Variants in CEP112 observed in about 807,000 individuals in gnomAD.
The protein encoded by CEP112 is centrosomal protein 112.
In CEP112, 127 loss-of-function variants were observed where a neutral mutation model predicts 153.0. The ratio of observed to expected loss-of-function variants is 0.83; its 90% CI spans 0.72 to 0.96. The LOEUF (loss-of-function observed/expected upper bound fraction) is 0.96. CEP112 is among the 40% of genes least tolerant of loss of function. CEP112 has a pLI of 0.00. For missense variants in CEP112, 1,089 were observed against 1,101.2 expected (o/e 0.99, Z 0.16); for synonymous variants, 358 against 374.4 (o/e 0.96, Z 0.51).
chr17:65,985,400 G>C (rs2063370276), intron 17 of CEP112, among the ~76,000 whole-genome samples: 1 of 152,118 alleles, frequency 6.6e-6, no homozygotes, highest in Non-Finnish European at 1.5e-5. Flanking sequence ...CAATATTTTG[G>C]CCTGGAGTCA....
intron 19 of CEP112, among the ~76,000 whole-genome samples, chr17:65,906,265 C>CGGG (rs60160515): frequency 1.9e-5 from 2 of 107,352 alleles, no homozygotes; most frequent in African/African-American, 3.4e-5. Context: ...AGGGGCCTGT[C>CGGG]GGGGGGGTAG....
chr17:66,000,275 G>A (rs1275044666), intron 17 of CEP112, among the ~76,000 whole-genome samples: 2 of 149,954 alleles, frequency 1.3e-5, no homozygotes, highest in Non-Finnish European at 3.0e-5. Context: ...ACTGTAAGAT[G>A]GTATCTCATT....
intron 4 of CEP112, among the ~76,000 whole-genome samples, chr17:66,153,124 G>T (rs2071277576): frequency 1.3e-5 from 2 of 152,108 alleles, no homozygotes; most frequent in African/African-American, 2.4e-5. Context: ...AGCCAGTTTG[G>T]AAAAGAGTTT....
chr17:65,695,196 C>T (rs765796156), intron 23 of CEP112, among the ~76,000 whole-genome samples: 1 of 152,158 alleles, frequency 6.6e-6, no homozygotes, highest in Non-Finnish European at 1.5e-5. Context: ...GAACAATGAG[C>T]GCACACCGCA....
At chr17:65,828,448 G>A (rs1438025434) in intron 21 of CEP112, among the ~76,000 whole-genome samples, 2 of 152,190 alleles carry the variant, frequency 1.3e-5, no homozygotes. Flanking sequence ...CTTTAAAGCA[G>A]AGATGGAGAC....
intron 12 of CEP112, among the ~76,000 whole-genome samples, chr17:66,036,762 G>C (rs985641406): frequency 6.6e-6 from 1 of 152,084 alleles, no homozygotes. Flanking sequence ...TCTTCTCCAG[G>C]ACTTTGATAT....
chr17:65,802,318 C>T (rs777194870), intron 21 of CEP112, among the ~76,000 whole-genome samples: 1 of 152,144 alleles, frequency 6.6e-6, no homozygotes, highest in Non-Finnish European at 1.5e-5. Flanking sequence ...ATTCTTTCCC[C>T]TTTTCTCTTA....
intron 17 of CEP112, among the ~76,000 whole-genome samples, chr17:65,986,427 C>T (rs2063408147): frequency 6.6e-6 from 1 of 152,126 alleles, no homozygotes; most frequent in African/African-American, 2.4e-5. Context: ...AAAATATTTA[C>T]TATGTGTGAT....
intron 21 of CEP112, among the ~76,000 whole-genome samples, chr17:65,812,274 A>G (rs1466222703): frequency 1.3e-5 from 2 of 152,232 alleles, no homozygotes; most frequent in Admixed American, 1.3e-4. Flanking sequence ...AAGTGCTGGG[A>G]TTACAGGCGT....
At chr17:65,654,993 TAGA>T in intron 24 of CEP112, 1 of 697,380 alleles carries the variant, frequency 1.4e-6, no homozygotes, top group Non-Finnish European at 2.6e-6. Context: ...GGGAACCTGA[TAGA>T]AGAACAGGCC....
chr17:65,694,315 C>T (rs903353375), intron 23 of CEP112, among the ~76,000 whole-genome samples: 12 of 152,256 alleles, frequency 7.9e-5, no homozygotes, highest in East Asian at 7.7e-4. Flanking sequence ...TGACATATTA[C>T]GGAAATCTAG....
intron 4 of CEP112, among the ~76,000 whole-genome samples, chr17:66,165,442 G>T (rs2071913580): frequency 1.3e-5 from 2 of 152,226 alleles, no homozygotes; most frequent in Admixed American, 1.3e-4. Context: ...AAACATCAGG[G>T]TTATTCACAA....
Position 65,713,058 on chromosome 17 carries a change from TCAC to T in CEP112, c.2608-23843_2608-23841del, listed in dbSNP as rs1287474405. 3.3e-5 allele frequency among the ~76,000 whole-genome samples: 5 copies of T among 152,222 alleles called. No individual in the cohort carries two copies. The East Asian group carries it at 7.7e-4, about 23-fold the overall frequency. ...ACTGACAACTGAAACCACAGTATAA[TCAC>T]CATACATTGGTCATTCTCACTTTCC... On this transcript the variant is annotated intron_variant, in intron 23 of 26. Transcript: ENST00000535342.
At chr17:66,171,995 C>T (rs1238051879) in intron 4 of CEP112, among the ~76,000 whole-genome samples, 1 of 151,994 alleles carries the variant, frequency 6.6e-6, no homozygotes, top group Non-Finnish European at 1.5e-5. Flanking sequence ...CTTCCCTCAA[C>T]GTTTTCTGAA....
Position 66,028,387 on chromosome 17 carries a change from C to G in CEP112, c.1522G>C (p.Glu508Gln), listed in dbSNP as rs1422906512. ...AATTGACAGACATTCTGCTCTAATTCTTCAATCATACTAGATGCCTACAAG... is the reference window on the plus strand; with the variant it reads ...AATTGACAGACATTCTGCTCTAATTGTTCAATCATACTAGATGCCTACAAG... ...SASKASSMIE[E>Q]LEQNVCQLKQ... Residue 508 changes from glutamate (E) to glutamine (Q), a missense_variant, in exon 15 of 27, where the codon GAA (glutamate) becomes CAA (glutamine). Physicochemically the swap from Glu to Gln is conservative, Grantham distance 29. Transcript: ENST00000535342. 5 of 1,587,592 alleles carry G rather than the reference C, an allele frequency of 3.1e-6. No individual in the cohort carries two copies. Among genetic ancestry groups the G allele is most frequent in the Non-Finnish European group, 4.3e-6 (5 of 1,163,704 alleles).
At chr17:65,974,543 C>T (rs1046683033) in intron 17 of CEP112, among the ~76,000 whole-genome samples, 3 of 152,174 alleles carry the variant, frequency 2.0e-5, no homozygotes, top group Non-Finnish European at 4.4e-5. Flanking sequence ...TACAAAAATT[C>T]ATATCCATTA....
intron 21 of CEP112, among the ~76,000 whole-genome samples, chr17:65,761,265 A>G (rs1420989985): frequency 6.6e-6 from 1 of 151,472 alleles, no homozygotes; most frequent in African/African-American, 2.4e-5. Flanking sequence ...ATTCTTTTAA[A>G]CTTTTTTTAA....
At chr17:66,151,179 T>C (rs1415868347) in intron 4 of CEP112, among the ~76,000 whole-genome samples, 3 of 152,234 alleles carry the variant, frequency 2.0e-5, no homozygotes, top group Admixed American at 1.3e-4. Context: ...TGAGTTCATT[T>C]ATATTTAATG....
At chr17:65,903,711 T>C (rs2059959736) in intron 19 of CEP112, among the ~76,000 whole-genome samples, 1 of 152,160 alleles carries the variant, frequency 6.6e-6, no homozygotes, top group African/African-American at 2.4e-5. Flanking sequence ...GCAAAAATTC[T>C]CAATAAAATA....
Sources: allele counts gnomAD v4.1 joint callset (sites outside exome capture counted in the v4.1 genomes callset), GRCh38; gene constraint gnomAD v4.1.1; transcripts MANE v1.5; gene names NCBI Gene and HGNC (gene_info 2026-07-23, HGNC 2026-07-21).